ICA1L: variants seen among roughly 807,000 people sequenced by gnomAD.
The protein encoded by ICA1L is islet cell autoantigen 1 like.
ICA1L carries 50 observed loss-of-function variants against 61.3 expected under a neutral mutation model. The ratio of observed to expected loss-of-function variants is 0.82; its 90% confidence interval spans 0.65 to 1.03. ICA1L has a LOEUF of 1.03. Ranked by LOEUF, ICA1L falls within the 50% of genes least tolerant of loss-of-function variation. The pLI, the probability that ICA1L is intolerant of heterozygous loss-of-function variation, is 0.00. For synonymous variants in ICA1L, 161 were observed against 191.3 expected, an observed-to-expected ratio of 0.84 and a Z score of 1.31; for missense variants, 508 against 556.7, an observed-to-expected ratio of 0.91 and a Z score of 0.88.
chr2:202,833,519 A>C (rs1368413498), intron 1 of ICA1L, among the ~76,000 whole-genome samples: 2 of 152,210 alleles, frequency 1.3e-5, no homozygotes, highest in Non-Finnish European at 2.9e-5. Context: ...CAGGAGTTTG[A>C]GGCTGCAGTG....
intron 9 of ICA1L, among the ~76,000 whole-genome samples, chr2:202,808,985 A>C (rs990741429): frequency 2.6e-4 from 40 of 152,194 alleles, no homozygotes; most frequent in Admixed American, 2.3e-3. Flanking sequence ...CCCAGACATT[A>C]ACAAACATCC....
chr2:202,797,840 G>C (rs1692976462), intron 9 of ICA1L, among the ~76,000 whole-genome samples: 1 of 152,062 alleles, frequency 6.6e-6, no homozygotes, highest in Non-Finnish European at 1.5e-5. Flanking sequence ...CAATTTTCAA[G>C]AATATATTGT....
chr2:202,847,520 C>T (rs1437843924), intron 1 of ICA1L, among the ~76,000 whole-genome samples: 2 of 151,878 alleles, frequency 1.3e-5, no homozygotes, highest in Non-Finnish European at 2.9e-5. Flanking sequence ...ATTAATCTCT[C>T]TTTTAGTTTC....
At chr2:202,806,231 C>T (rs1343083753) in intron 9 of ICA1L, among the ~76,000 whole-genome samples, 1 of 152,096 alleles carries the variant, frequency 6.6e-6, no homozygotes. Context: ...GTAAAGGGGA[C>T]TTTGTCTTGC....
intron 6 of ICA1L, 32 bp downstream of exon 6, chr2:202,817,386 T>C: frequency 4.6e-6 from 7 of 1,518,734 alleles, no homozygotes; most frequent in Non-Finnish European, 6.2e-6. Context: ...TCATCTTTAC[T>C]GCAAGGATAT....
chr2:202,814,639 A>T (rs1413126152), intron 8 of ICA1L, 63 bp downstream of exon 8: 1 of 1,036,936 alleles, frequency 9.6e-7, no homozygotes, highest in South Asian at 1.4e-5. Flanking sequence ...TTCTTTCCAC[A>T]TATATCATAT....
chr2:202,799,813 G>A (rs1185319243), intron 9 of ICA1L, among the ~76,000 whole-genome samples: 1 of 151,104 alleles, frequency 6.6e-6, no homozygotes, highest in African/African-American at 2.4e-5. Flanking sequence ...TAGGGGTCCA[G>A]GTTCATTGTT....
At chr2:202,850,196 C>G (rs1482145843) in intron 1 of ICA1L, among the ~76,000 whole-genome samples, 10 of 151,988 alleles carry the variant, frequency 6.6e-5, no homozygotes. Context: ...GAAAAAACAG[C>G]ACAAAAATGC....
chr2:202,795,415 G>A (rs1328549000), intron 10 of ICA1L, among the ~76,000 whole-genome samples: 9 of 152,170 alleles, frequency 5.9e-5, no homozygotes, highest in East Asian at 1.9e-4. Flanking sequence ...GAACAACATC[G>A]AGAAACTTTG....
At chr2:202,863,262 A>T (rs1694970854) in intron 1 of ICA1L, among the ~76,000 whole-genome samples, 2 of 152,162 alleles carry the variant, frequency 1.3e-5, no homozygotes, top group Admixed American at 1.3e-4. Flanking sequence ...ATTGCACTCC[A>T]GCCTAGGTGA....
chr2:202,795,036 C>T (rs1362406154), intron 10 of ICA1L, among the ~76,000 whole-genome samples: 2 of 148,188 alleles, frequency 1.3e-5, no homozygotes, highest in Non-Finnish European at 3.0e-5. Context: ...GGATTCTAGC[C>T]TTACCAGATA....
chr2:202,845,431 A>G (rs1190199544), intron 1 of ICA1L, among the ~76,000 whole-genome samples: 1 of 152,114 alleles, frequency 6.6e-6, no homozygotes, highest in African/African-American at 2.4e-5. Flanking sequence ...GTTCAAGACC[A>G]GCCTGGCAAA....
chr2:202,863,716 A>T (rs1687361890), intron 1 of ICA1L, among the ~76,000 whole-genome samples: 1 of 151,092 alleles, frequency 6.6e-6, no homozygotes, highest in Non-Finnish European at 1.5e-5. Flanking sequence ...AGTCCCAGCT[A>T]TTCGGGAGGC....
At chr2:202,858,121 T>G (rs1296220738) in intron 1 of ICA1L, among the ~76,000 whole-genome samples, 4 of 152,180 alleles carry the variant, frequency 2.6e-5, no homozygotes, top group Non-Finnish European at 5.9e-5. Flanking sequence ...CATTACTTGG[T>G]ATATACCCAA....
At chr2:202,786,084 AT>A (rs1330575185) in intron 11 of ICA1L, 77 bp from the exon 12 acceptor site, 1 of 799,696 alleles carries the variant, frequency 1.3e-6, no homozygotes, top group Non-Finnish European at 2.2e-6. Context: ...AAAGGTAAAA[AT>A]ATCTAAGTCC....
chr2:202,858,127 C>T (rs1694815253), intron 1 of ICA1L, among the ~76,000 whole-genome samples: 1 of 152,120 alleles, frequency 6.6e-6, no homozygotes, highest in African/African-American at 2.4e-5. Flanking sequence ...TTGGTATATA[C>T]CCAAAGGATT....
rs1692146305 is a variant in ICA1L, at chr2:202,774,287, C to CT, written c.*5245dup. The CT allele has an allele frequency of 6.5e-7, 1 of 1,531,898 alleles. No individual in the cohort carries two copies. The highest frequency in any genetic ancestry group is 1.4e-5 in the African/African-American group (1 of 71,886). 94.9% of individuals were successfully genotyped at this position (1,531,898 alleles called of 1,614,324 possible). A position where few individuals can be genotyped will look rare whatever the true frequency, so the allele number is the denominator to read the frequency against. On this transcript the variant is annotated 3_prime_UTR_variant, in exon 13 of 13. Coordinates refer to ENST00000358299, the MANE Select transcript of ICA1L (RefSeq NM_001288622.3). The stretch of plus-strand genomic sequence containing the variant: ...CCGTGACCCCGACGCGTGCAGGCAC[C>CT]TACGGGCGACCGCGGACGGCGGCGC...
intron 3 of ICA1L, among the ~76,000 whole-genome samples, chr2:202,824,744 G>T (rs1009937584): frequency 6.6e-6 from 1 of 152,038 alleles, no homozygotes; most frequent in Non-Finnish European, 1.5e-5. Context: ...TGTCCAGCAG[G>T]CCCACTGTAA....
At chr2:202,840,935 G>C (rs1694311229) in intron 1 of ICA1L, 1 of 721,684 alleles carries the variant, frequency 1.4e-6, no homozygotes, top group African/African-American at 1.8e-5. Context: ...ACTTGATCTG[G>C]TACATGCTCT....
Sources: gnomAD v4.1 joint callset for allele counts (sites outside exome capture counted in the v4.1 genomes callset) on GRCh38, gnomAD v4.1.1 for gene constraint, MANE v1.5 for transcripts, NCBI Gene and HGNC (gene_info 2026-07-23, HGNC 2026-07-21) for gene names.